Variants in SERPINA5 observed in about 807,000 individuals in gnomAD.
The protein encoded by SERPINA5 is serpin family A member 5.
SERPINA5 carries 25 observed loss-of-function variants against 25.3 expected under a neutral mutation model. The ratio of observed to expected loss-of-function variants is 0.99; its 90% CI spans 0.72 to 1.38. The LOEUF is 1.38. Among genes scored for constraint, SERPINA5 ranks in the 40% most tolerant of loss-of-function variants. SERPINA5 has a pLI of 0.00. For missense variants in SERPINA5, 599 were observed against 509.5 expected (o/e 1.18, Z -1.69); for synonymous variants, 234 against 206.2 (o/e 1.14, Z -1.16).
intron 2 of SERPINA5, among the ~76,000 whole-genome samples, chr14:94,585,127 T>C (rs1355317024): frequency 6.6e-6 from 1 of 152,164 alleles, no homozygotes; most frequent in East Asian, 1.9e-4. Flanking sequence ...GTCAGAGTGA[T>C]AACCGAGTCT....
chr14:94,583,651 G>A (rs1305314573), intron 2 of SERPINA5, among the ~76,000 whole-genome samples: 7 of 152,282 alleles, frequency 4.6e-5, no homozygotes, highest in South Asian at 2.1e-4. Context: ...TTTGGGTTTC[G>A]GGGATGGTGG....
At chr14:94,584,786 G>A (rs1053052809) in intron 2 of SERPINA5, among the ~76,000 whole-genome samples, 1 of 152,182 alleles carries the variant, frequency 6.6e-6, no homozygotes, top group Non-Finnish European at 1.5e-5. Flanking sequence ...TGACCCTGTG[G>A]GGGGTTGAGC....
At chr14:94,583,396 A>G (rs1018316510) in intron 2 of SERPINA5, among the ~76,000 whole-genome samples, 3 of 152,170 alleles carry the variant, frequency 2.0e-5, no homozygotes, top group African/African-American at 7.2e-5. Context: ...AGCTTTGCTG[A>G]TGGGCTGGAG....
At chr14:94,590,614 C>A in intron 4 of SERPINA5, 135 bp from the exon 5 acceptor site, 1 of 1,038,314 alleles carries the variant, frequency 9.6e-7, no homozygotes, top group Non-Finnish European at 1.4e-6. Context: ...CCATAACCAC[C>A]ATTGTTCCTT....
rs1217152719 is a variant in SERPINA5 at position 94,592,804 on chromosome 14, A to G, written c.*565A>G. 1 of 152,424 alleles carries G rather than the reference A, an allele frequency of 6.6e-6. No individual in the cohort carries two copies. 9.4% of individuals were successfully genotyped at this position (152,424 alleles called of 1,614,324 possible). On this transcript the variant is annotated 3_prime_UTR_variant, in exon 6 of 6. Transcript: ENST00000329597. ...CCTCAGTTTCCCTCTGTATACAAGG[A>G]TCAGATTCTTGCTGTGACCCAAGAA...
At chr14:94,581,522 A>T (rs1884918498) in intron 1 of SERPINA5, 32 bp downstream of exon 1, 1 of 152,296 alleles carries the variant, frequency 6.6e-6, no homozygotes, top group Non-Finnish European at 1.5e-5. Context: ...GGAGGTCCCC[A>T]GGGCTTGAGG....
At chr14:94,583,375 T>C (rs1254221999) in intron 2 of SERPINA5, among the ~76,000 whole-genome samples, 1 of 152,136 alleles carries the variant, frequency 6.6e-6, no homozygotes, top group Admixed American at 6.5e-5. Context: ...GTTTTGGAGA[T>C]AGAACGGACA....
intron 4 of SERPINA5, 125 bp downstream of exon 4, chr14:94,590,436 C>T: frequency 2.5e-6 from 3 of 1,214,482 alleles, no homozygotes; most frequent in South Asian, 1.7e-5. Flanking sequence ...CCTCCAGGCC[C>T]AGAGGCATCC....
chr14:94,587,065 T>G, intron 2 of SERPINA5: 1 of 370,722 alleles, frequency 2.7e-6, no homozygotes, highest in Non-Finnish European at 4.9e-6. Flanking sequence ...ATGTGTCCCT[T>G]GATGTGGATG....
Position 94,587,610 on chromosome 14 carries a change from C to T in SERPINA5, c.248C>T (p.Ala83Val), listed in dbSNP as rs752950539. ...AGCCTGGCCATGCTCTCCCTGGGGGCTGGGTCCAGCACAAAGATGCAGATC... is the reference window on the plus strand; with the variant it reads ...AGCCTGGCCATGCTCTCCCTGGGGGTTGGGTCCAGCACAAAGATGCAGATC... ...SMSLAMLSLGAGSSTKMQILE... is the reference protein window; with the variant it reads ...SMSLAMLSLGVGSSTKMQILE... The change falls in exon 3 of 6, where the codon GCT becomes GTT. Residue 83 changes from alanine (A) to valine (V), a missense_variant. Coordinates refer to ENST00000329597, the MANE Select transcript of SERPINA5 (RefSeq NM_000624.6). 4 of 1,613,936 alleles carry T rather than the reference C, an allele frequency of 2.5e-6. No individual in the cohort carries two copies. In the South Asian group the frequency reaches 4.4e-5, roughly 18 times the overall value.
At position 94,581,457 on chromosome 14, in the gene SERPINA5, C is replaced by T. The variant is rs1267614464; in HGVS notation, c.-147C>T. The T allele has an allele frequency of 6.6e-6, 1 of 152,304 alleles. No homozygotes were observed. The highest frequency in any genetic ancestry group is 2.4e-5 in the African/African-American group (1 of 41,456). The allele number at this position is 152,304 out of a possible 1,614,324, so 9.4% of individuals were successfully genotyped here. On this transcript the variant is annotated 5_prime_UTR_variant, in exon 1 of 6. Coordinates refer to ENST00000329597, the MANE Select transcript of SERPINA5 (RefSeq NM_000624.6). ...CCTTTCTGAGCCCGAGGGACTGCCA[C>T]CTCCACTGTGTGCACACTCAGCTAC...
intron 5 of SERPINA5, among the ~76,000 whole-genome samples, chr14:94,591,786 C>T (rs937050173): frequency 2.6e-5 from 4 of 152,174 alleles, no homozygotes; most frequent in African/African-American, 7.2e-5. Flanking sequence ...ATACTTGACT[C>T]TCTGAGCTTC....
At chr14:94,584,201 T>C (rs1885003594) in intron 2 of SERPINA5, among the ~76,000 whole-genome samples, 1 of 152,180 alleles carries the variant, frequency 6.6e-6, no homozygotes. Flanking sequence ...TTAATTCCGG[T>C]TCCATCACTC....
rs537465921 is a variant in SERPINA5, at chr14:94,588,909, C to T, written c.619+928C>T. ...CGATCCTGTTCATGACAGCTCCACC[C>T]CCATGACCTAATCAACTCCCAAAGG... is the stretch of plus-strand genomic sequence containing the variant. On this transcript the variant is annotated intron_variant, in intron 3 of 5. Coordinates refer to ENST00000329597, the MANE Select transcript of SERPINA5 (RefSeq NM_000624.6). 9.9e-5 allele frequency among the ~76,000 whole-genome samples: 15 copies of T among 152,230 alleles called. No homozygotes were observed. In the South Asian group the frequency reaches 3.1e-3, roughly 32 times the overall value.
At chr14:94,590,493 G>A in intron 4 of SERPINA5, 182 bp downstream of exon 4, 1 of 892,098 alleles carries the variant, frequency 1.1e-6, no homozygotes, top group Non-Finnish European at 1.6e-6. Context: ...AGGGACAAGA[G>A]CTGGAAACTG....
At chr14:94,584,465 T>TG (rs1168714184) in intron 2 of SERPINA5, among the ~76,000 whole-genome samples, 1 of 152,092 alleles carries the variant, frequency 6.6e-6, no homozygotes, top group African/African-American at 2.4e-5. Context: ...TAAGTGAACC[T>TG]GGGGCCCTCT....
At chr14:94,585,762 C>T (rs1885056143) in intron 2 of SERPINA5, among the ~76,000 whole-genome samples, 1 of 111,888 alleles carries the variant, frequency 8.9e-6, no homozygotes, top group Non-Finnish European at 1.8e-5. Context: ...GTCAGGCTCA[C>T]ACGTGTGTGT....
At position 94,587,642 on chromosome 14, in the gene SERPINA5, G is replaced by A; in HGVS notation, c.280G>A (p.Gly94Ser). Reference protein sequence around the residue: ...GSSTKMQILEGLGLNLQKSSE... With the variant: ...GSSTKMQILESLGLNLQKSSE... ...CAGCACAAAGATGCAGATCCTGGAGGGCCTGGGCCTCAACCTCCAGAAAAG... is the reference window on the plus strand; with the variant it reads ...CAGCACAAAGATGCAGATCCTGGAGAGCCTGGGCCTCAACCTCCAGAAAAG... Residue 94 changes from glycine (G) to serine (S), a missense_variant, in exon 3 of 6, where the codon GGC becomes AGC. Gly to Ser is a moderately conservative substitution (Grantham distance 56). Transcript: ENST00000329597. 1.2e-6 allele frequency: 2 copies of A among 1,614,036 alleles called. No homozygotes were observed. The highest frequency in any genetic ancestry group is 1.7e-6 in the Non-Finnish European group (2 of 1,179,974).
chr14:94,585,002 T>C (rs928426085), intron 2 of SERPINA5, among the ~76,000 whole-genome samples: 4 of 152,176 alleles, frequency 2.6e-5, no homozygotes, highest in African/African-American at 9.7e-5. Context: ...GCTCACTCAT[T>C]ATCTGCAGAT....
Sources: allele counts gnomAD v4.1 joint callset (sites outside exome capture counted in the v4.1 genomes callset), GRCh38; gene constraint gnomAD v4.1.1; transcripts MANE v1.5; gene names NCBI Gene and HGNC (gene_info 2026-07-23, HGNC 2026-07-21).